The following PDK1 variants were observed in gnomAD, a reference collection of about 807,000 sequenced individuals.
PDK1 encodes [Pyruvate dehydrogenase (acetyl-transferring)] kinase isozyme 1, mitochondrial.
A neutral mutation model predicts 54.2 loss-of-function variants in PDK1; 39 were observed. The ratio of observed to expected loss-of-function variants is 0.72; its 90% CI spans 0.56 to 0.94. The LOEUF (loss-of-function observed/expected upper bound fraction) is 0.94. Ranked by LOEUF, PDK1 falls within the 40% of genes least tolerant of loss-of-function variation. The pLI, the probability that PDK1 is intolerant of heterozygous loss-of-function variation, is 0.00. For missense variants in PDK1, 552 were observed against 566.0 expected (o/e 0.98, Z 0.25); for synonymous variants, 221 against 207.1 (o/e 1.07, Z -0.58).
chr2:172,630,922 G>A, the PDK1 span, among the ~76,000 whole-genome samples: 3 of 152,136 alleles, frequency 2.0e-5, no homozygotes, highest in African/African-American at 4.8e-5. Flanking sequence ...GAGCCACTGC[G>A]CTCAGCCACC....
At chr2:172,647,089 G>A in the PDK1 span, among the ~76,000 whole-genome samples, 5 of 152,052 alleles carry the variant, frequency 3.3e-5, no homozygotes, top group South Asian at 2.1e-4. Context: ...CACACTTTGA[G>A]TAGCAAAATT....
chr2:172,647,385 G>C, the PDK1 span, among the ~76,000 whole-genome samples: 1 of 152,100 alleles, frequency 6.6e-6, no homozygotes, highest in Non-Finnish European at 1.5e-5. Context: ...ACACTGAGGA[G>C]CATATGCTGA....
chr2:172,572,773 G>A (rs935559506), intron 8 of PDK1, among the ~76,000 whole-genome samples: 2 of 152,036 alleles, frequency 1.3e-5, no homozygotes, highest in Non-Finnish European at 2.9e-5. Context: ...GTCACTTCCC[G>A]TTTTTCTCTC....
the PDK1 span, among the ~76,000 whole-genome samples, chr2:172,669,956 C>A: frequency 6.6e-6 from 1 of 152,050 alleles, no homozygotes; most frequent in South Asian, 2.1e-4. Flanking sequence ...TGGGTTGCCT[C>A]TTTGCTCTAT....
chr2:172,592,437 C>G (rs942011468), intron 9 of PDK1, among the ~76,000 whole-genome samples: 1 of 151,756 alleles, frequency 6.6e-6, no homozygotes, highest in Non-Finnish European at 1.5e-5. Flanking sequence ...CTGTCTCTGA[C>G]TTTGTCTCTT....
chr2:172,575,320 C>T (rs186395746), intron 8 of PDK1, among the ~76,000 whole-genome samples: 1 of 152,134 alleles, frequency 6.6e-6, no homozygotes, highest in African/African-American at 2.4e-5. Context: ...ATCAGGATGA[C>T]ACTGGCCTTA....
chr2:172,722,446 C>T, the PDK1 span, among the ~76,000 whole-genome samples: 1 of 152,226 alleles, frequency 6.6e-6, no homozygotes, highest in Admixed American at 6.5e-5. Context: ...AAACAGACTT[C>T]TACAGCCTCA....
chr2:172,587,210 C>T (rs909373338), intron 9 of PDK1, among the ~76,000 whole-genome samples: 2 of 152,176 alleles, frequency 1.3e-5, no homozygotes, highest in African/African-American at 4.8e-5. Flanking sequence ...CGCAGTGTTA[C>T]AGTTCTTAAA....
chr2:172,633,260 C>T, the PDK1 span, among the ~76,000 whole-genome samples: 1 of 151,646 alleles, frequency 6.6e-6, no homozygotes, highest in Non-Finnish European at 1.5e-5. Context: ...GTTGTCCAGG[C>T]TGGTCTTAAA....
At chr2:172,721,069 T>G in the PDK1 span, among the ~76,000 whole-genome samples, 1 of 152,196 alleles carries the variant, frequency 6.6e-6, no homozygotes, top group Admixed American at 6.5e-5. Flanking sequence ...TGCAATTTGT[T>G]AGAAATTTTA....
chr2:172,681,809 A>T, the PDK1 span, among the ~76,000 whole-genome samples: 1 of 152,146 alleles, frequency 6.6e-6, no homozygotes, highest in South Asian at 2.1e-4. Context: ...CCCAGATTGG[A>T]GTGGAGTGGT....
the PDK1 span, among the ~76,000 whole-genome samples, chr2:172,706,951 G>T: frequency 1.3e-5 from 2 of 152,138 alleles, no homozygotes; most frequent in Non-Finnish European, 2.9e-5. Context: ...TGAGGTGGGA[G>T]TTCCAGCTCC....
chr2:172,669,853 T>G, the PDK1 span, among the ~76,000 whole-genome samples: 4 of 152,232 alleles, frequency 2.6e-5, no homozygotes, highest in African/African-American at 4.8e-5. Flanking sequence ...TTGGAGTCTT[T>G]GTTTTCTTGT....
intron 9 of PDK1, among the ~76,000 whole-genome samples, chr2:172,586,804 A>G (rs1690255426): frequency 6.6e-6 from 1 of 152,222 alleles, no homozygotes. Context: ...ACTGAAAAAT[A>G]AGACTAAAAT....
chr2:172,626,885 G>A, the PDK1 span, among the ~76,000 whole-genome samples: 1 of 152,214 alleles, frequency 6.6e-6, no homozygotes, highest in African/African-American at 2.4e-5. Context: ...TCTTATAGAA[G>A]GCACAGTAAA....
the PDK1 span, among the ~76,000 whole-genome samples, chr2:172,648,710 C>T: frequency 6.6e-6 from 1 of 152,214 alleles, no homozygotes; most frequent in Non-Finnish European, 1.5e-5. Context: ...CGGAGGGTCC[C>T]ATGCCCATGG....
At chr2:172,683,521 G>C in the PDK1 span, among the ~76,000 whole-genome samples, 92 of 152,284 alleles carry the variant, frequency 6.0e-4, no homozygotes, top group African/African-American at 1.8e-3. Flanking sequence ...CAGAACAGGT[G>C]CAAGAGTGGG....
the PDK1 span, among the ~76,000 whole-genome samples, chr2:172,671,699 A>G: frequency 6.6e-6 from 1 of 152,164 alleles, no homozygotes; most frequent in Admixed American, 6.5e-5. Context: ...CACGTGAGTC[A>G]TAAGGGGTAA....
At chr2:172,714,989 T>C in the PDK1 span, among the ~76,000 whole-genome samples, 1 of 152,222 alleles carries the variant, frequency 6.6e-6, no homozygotes, top group Non-Finnish European at 1.5e-5. Context: ...CTTTATGGAA[T>C]AGTTATTTAC....
Sources: allele counts gnomAD v4.1 joint callset (sites outside exome capture counted in the v4.1 genomes callset), GRCh38; gene constraint gnomAD v4.1.1; transcripts MANE v1.5; gene names NCBI Gene and HGNC (gene_info 2026-07-23, HGNC 2026-07-21).